Variants in TNRC6A observed in about 807,000 individuals in gnomAD.
The protein encoded by TNRC6A is trinucleotide repeat containing adaptor 6A, also known as trinucleotide repeat-containing gene 6A protein.
A neutral mutation model predicts 221.2 loss-of-function variants in TNRC6A; 44 were observed. The ratio of observed to expected loss-of-function variants is 0.20; its 90% CI spans 0.16 to 0.26. TNRC6A has a LOEUF of 0.26. Ranked by LOEUF, TNRC6A falls within the 10% of genes least tolerant of loss-of-function variation. The pLI is 1.00. For synonymous variants in TNRC6A, 847 were observed against 838.5 expected (o/e 1.01, Z -0.18); for missense variants, 2,199 against 2,404.4 (o/e 0.91, Z 1.79).
chr16:24,789,548 T>C lies in TNRC6A; in HGVS notation c.906T>C (p.Asn302=). 6 of 1,614,056 alleles carry C rather than the reference T, an allele frequency of 3.7e-6. No homozygotes were observed. Among genetic ancestry groups the C allele is most frequent in the Non-Finnish European group, 3.4e-6 (4 of 1,180,020 alleles). ...AGTTTGTAGTTGGTAGCAGCAGCAA[T>C]AATGTGGGCCATGGAAGTAGTACTG... ...QNKFVVGSSS[N]NVGHGSSTGP... The change falls in exon 6 of 25, where the codon AAT becomes AAC. Residue 302 remains asparagine (N), a synonymous_variant. Coordinates refer to ENST00000395799, the MANE Select transcript of TNRC6A (RefSeq NM_014494.4).
At chr16:24,819,723 GA>G in intron 21 of TNRC6A, 2 of 201,558 alleles carry the variant, frequency 9.9e-6, no homozygotes, top group South Asian at 8.7e-5. Context: ...GGCAGCTCCT[GA>G]GTTGGGGCTC....
In TNRC6A at chr16:24,790,102, C is replaced by G; in HGVS notation, c.1460C>G (p.Thr487Arg). The change falls in exon 6 of 25, where the codon ACA becomes AGA. Residue 487 changes from threonine (T) to arginine (R), a missense_variant. Physicochemically the swap from Thr to Arg is moderately conservative, Grantham distance 71 (BLOSUM62 -1). Transcript: ENST00000395799. ...SSNTGAWRVS[T>R]MNHPQMQAPS... ...AACACAGGGGCCTGGCGTGTGAGCA[C>G]AATGAATCATCCTCAGATGCAGGCT... The G allele has an allele frequency of 6.2e-7, 1 of 1,614,204 alleles. No homozygotes were observed. Among genetic ancestry groups the G allele is most frequent in the Non-Finnish European group, 8.5e-7 (1 of 1,180,032 alleles).
chr16:24,715,605 C>CTTTTTTTTTTTTTTTTTTTTTT (rs58843836), intron 2 of TNRC6A, among the ~76,000 whole-genome samples: 1 of 127,220 alleles, frequency 7.9e-6, no homozygotes, highest in African/African-American at 2.9e-5. Context: ...TGAGTAGTTT[C>CTTTTTTTTTTTTTTTTTTTTTT]TTTTTTTTTT....
chr16:24,807,271 T>A (rs1322339793), intron 17 of TNRC6A, among the ~76,000 whole-genome samples: 1 of 152,154 alleles, frequency 6.6e-6, no homozygotes, highest in African/African-American at 2.4e-5. Context: ...TCCCAAAGTG[T>A]TGGGATTACA....
intron 2 of TNRC6A, among the ~76,000 whole-genome samples, chr16:24,688,440 T>C (rs1332248748): frequency 6.6e-6 from 1 of 152,184 alleles, no homozygotes. Flanking sequence ...CTTGAGGCAT[T>C]GACCCTCACC....
At chr16:24,723,012 T>C (rs979504045) in intron 2 of TNRC6A, among the ~76,000 whole-genome samples, 2 of 152,022 alleles carry the variant, frequency 1.3e-5, no homozygotes, top group Admixed American at 6.6e-5. Flanking sequence ...GTCAGGTCCA[T>C]ATAGGGTGTT....
At chr16:24,645,970 G>A (rs1333932367) in intron 2 of TNRC6A, among the ~76,000 whole-genome samples, 1 of 151,132 alleles carries the variant, frequency 6.6e-6, no homozygotes, top group Non-Finnish European at 1.5e-5. Context: ...CGTGAGCCAA[G>A]ATAATGCCAC....
intron 11 of TNRC6A, 22 bp from the exon 12 acceptor site, chr16:24,804,155 A>G: frequency 1.3e-6 from 2 of 1,569,410 alleles, no homozygotes; most frequent in Non-Finnish European, 1.7e-6. Context: ...CCTGTTTGAT[A>G]ACAGTCTCCT....
intron 2 of TNRC6A, among the ~76,000 whole-genome samples, chr16:24,687,881 A>AAGAAGAAGAAGAAGAAGAAGC (rs1474000799): frequency 4.1e-5 from 6 of 147,996 alleles, no homozygotes; most frequent in East Asian, 4.0e-4. Context: ...GAAGAAGAAG[A>AAGAAGAAGAAGAAGAAGAAGC]AGCAGCTTAT....
intron 18 of TNRC6A, among the ~76,000 whole-genome samples, chr16:24,812,135 C>T (rs1361527940): frequency 1.5e-5 from 2 of 137,622 alleles, no homozygotes; most frequent in African/African-American, 2.7e-5. Context: ...CTGCAACCCT[C>T]GTCTCTGGGA....
chr16:24,776,402 TACAG>T, intron 4 of TNRC6A: 6 of 985,472 alleles, frequency 6.1e-6, no homozygotes, highest in Non-Finnish European at 7.2e-6. Flanking sequence ...TTTTAGCAAA[TACAG>T]ACATTGTTAA....
At chr16:24,771,516 CATGTT>C (rs60883844) in intron 4 of TNRC6A, among the ~76,000 whole-genome samples, 2,745 of 88,000 alleles carry the variant, frequency 0.031, 132 homozygotes, top group Non-Finnish European at 0.041. Context: ...GAGCCTGGTG[CATGTT>C]ATGTTATGTT....
intron 2 of TNRC6A, among the ~76,000 whole-genome samples, chr16:24,734,858 C>A (rs1029683837): frequency 6.6e-6 from 1 of 152,078 alleles, no homozygotes; most frequent in African/African-American, 2.4e-5. Flanking sequence ...ACTGATTTGT[C>A]CCCCCATAAA....
chr16:24,680,216 C>A (rs2055503465), intron 2 of TNRC6A, among the ~76,000 whole-genome samples: 1 of 151,580 alleles, frequency 6.6e-6, no homozygotes, highest in Non-Finnish European at 1.5e-5. Flanking sequence ...GATGACTTAT[C>A]CAAGACCAGC....
At chr16:24,769,570 G>A (rs1186888975) in intron 4 of TNRC6A, among the ~76,000 whole-genome samples, 1 of 150,654 alleles carries the variant, frequency 6.6e-6, no homozygotes, top group East Asian at 1.9e-4. Flanking sequence ...TTTTTGATAT[G>A]GACCAGGGCA....
chr16:24,693,524 G>T (rs1309308506), intron 2 of TNRC6A, among the ~76,000 whole-genome samples: 1 of 152,104 alleles, frequency 6.6e-6, no homozygotes, highest in African/African-American at 2.4e-5. Context: ...GGAGGCAGAG[G>T]TTGCAGTGAG....
chr16:24,689,206 C>A (rs766487163), intron 2 of TNRC6A, among the ~76,000 whole-genome samples: 18 of 152,206 alleles, frequency 1.2e-4, no homozygotes, highest in Non-Finnish European at 1.2e-4. Flanking sequence ...TGGCATCCAA[C>A]CACTTGGAGA....
At chr16:24,800,927 C>A (rs1394672385) in intron 11 of TNRC6A, among the ~76,000 whole-genome samples, 1 of 152,168 alleles carries the variant, frequency 6.6e-6, no homozygotes, top group Non-Finnish European at 1.5e-5. Context: ...GCCTCAGTAC[C>A]AGCTGGCTAA....
chr16:24,664,285 C>G (rs1162525000), intron 2 of TNRC6A, among the ~76,000 whole-genome samples: 1 of 151,682 alleles, frequency 6.6e-6, no homozygotes, highest in African/African-American at 2.4e-5. Context: ...GAGCTGAGAT[C>G]ATGCCACTGC....
Sources: gnomAD v4.1 joint callset for allele counts (sites outside exome capture counted in the v4.1 genomes callset) on GRCh38, gnomAD v4.1.1 for gene constraint, MANE v1.5 for transcripts, NCBI Gene and HGNC (gene_info 2026-07-23, HGNC 2026-07-21) for gene names.